Variants in AKNA observed in about 807,000 individuals in gnomAD.
AKNA encodes the protein AT-hook transcription factor.
A neutral mutation model predicts 138.8 loss-of-function variants in AKNA; 67 were observed. That is an observed-to-expected ratio of 0.48 (90% CI 0.40 to 0.59). The LOEUF (loss-of-function observed/expected upper bound fraction) is 0.59, where lower values mean the gene tolerates loss of function less well. Among genes scored for constraint, AKNA ranks in the 20% least tolerant of loss-of-function variants. The pLI is 0.00. For missense variants in AKNA, 1,813 were observed against 1,880.4 expected, an observed-to-expected ratio of 0.96 and a Z score of 0.66; for synonymous variants, 737 against 754.4, an observed-to-expected ratio of 0.98 and a Z score of 0.38.
chr9:114,331,558 C>T (rs1829851311), downstream of AKNA: 1 of 1,609,344 alleles, frequency 6.2e-7, no homozygotes, highest in African/African-American at 1.3e-5. Flanking sequence ...GGCTCTTTTT[C>T]TCTTCCAGAG....
chr9:114,382,508 G>A (rs543010157), intron 1 of AKNA, among the ~76,000 whole-genome samples: 5 of 151,448 alleles, frequency 3.3e-5, no homozygotes, highest in Admixed American at 6.6e-5. Flanking sequence ...ACTTAAGCCC[G>A]GGAGGTCGAA....
intron 15 of AKNA, among the ~76,000 whole-genome samples, chr9:114,349,961 G>A (rs1342971564): frequency 6.6e-6 from 1 of 152,190 alleles, no homozygotes; most frequent in Non-Finnish European, 1.5e-5. Context: ...CGGACCAGAT[G>A]CTCCTTCGCT....
Position 114,367,519 on chromosome 9 carries a change from G to A in AKNA, c.1728+24C>T, listed in dbSNP as rs370400330. The A allele has an allele frequency of 4.2e-5, 67 of 1,609,816 alleles. No individual in the cohort carries two copies. The African/African-American group carries it at 8.0e-4, about 19-fold the overall frequency. The stretch of plus-strand genomic sequence containing the variant: ...TCTCCAGGTGAGTTAAGTCTCTCGG[G>A]GGCAAAGCTGGGAGTCCACTCACCT... On this transcript the variant is annotated intron_variant, in intron 6 of 21. Coordinates refer to ENST00000374088, the MANE Select transcript of AKNA (RefSeq NM_001317950.2).
At chr9:114,365,056 G>A (rs1050521231) in intron 6 of AKNA, among the ~76,000 whole-genome samples, 18 of 152,102 alleles carry the variant, frequency 1.2e-4, no homozygotes, top group Admixed American at 4.6e-4. Context: ...CAATGTTTAC[G>A]GTATGCTACC....
intron 9 of AKNA, 67 bp from the exon 10 acceptor site, chr9:114,360,129 C>T (rs1588979551): frequency 1.2e-6 from 2 of 1,603,044 alleles, no homozygotes. Context: ...AAGCACTTAC[C>T]TCCTGCCAGG....
In AKNA at chr9:114,376,926, T is replaced by C; in HGVS notation, c.881A>G (p.Glu294Gly). The C allele has an allele frequency of 6.2e-7, 1 of 1,614,202 alleles. No individual in the cohort carries two copies. The highest frequency in any genetic ancestry group is 8.5e-7 in the Non-Finnish European group (1 of 1,180,022). The change falls in exon 3 of 22, where the codon GAA (glutamate) becomes GGA (glycine). Residue 294 changes from glutamate (E) to glycine (G), a missense_variant. Physicochemically the swap from Glu to Gly is moderately conservative, Grantham distance 98 (BLOSUM62 -2). Transcript: ENST00000374088. ...TTRFFCPQPK[E>G]HIWKQTKTSP... ...CGTCTTTGTCTGCTTCCAGATGTGT[T>C]CCTTGGGCTGAGGGCAGAAGAATCT...
Position 114,337,013 on chromosome 9 carries a change from G to GGGGGGGGGGGGCC in AKNA, c.*40_*41insGGCCCCCCCCCCC. 13 of 1,185,368 alleles carry GGGGGGGGGGGGCC rather than the reference G, an allele frequency of 1.1e-5. No homozygotes were observed. The highest frequency in any genetic ancestry group is 2.5e-5 in the South Asian group (1 of 40,612). The allele number at this position is 1,185,368 out of a possible 1,614,324, so 73.4% of individuals were successfully genotyped here. A position where few individuals can be genotyped will look rare whatever the true frequency, so the allele number is the denominator to read the frequency against. On this transcript the variant is annotated 3_prime_UTR_variant, in exon 22 of 22. Transcript: ENST00000374088. ...CCACTCCTGGCCTGGCAGGCCACCT[G>GGGGGGGGGGGGCC]CCCACCCACCCACCCATCTGCCTCT...
rs1257600140 is a variant in AKNA, at chr9:114,335,114, G to T, written c.*1940C>A. The T allele has an allele frequency of 4.6e-5, 7 of 152,272 alleles. No homozygotes were observed. The highest frequency in any genetic ancestry group is 1.3e-4 in the Admixed American group (2 of 15,288). 9.4% of individuals were successfully genotyped at this position (152,272 alleles called of 1,614,324 possible). A position where few individuals can be genotyped will look rare whatever the true frequency, so the allele number is the denominator to read the frequency against. ...GAAAAATGAAACAGAAATGAGTCAT[G>T]ATGGGCAGAGCAGGGAGAAGCAAGG... is the stretch of plus-strand genomic sequence containing the variant. On this transcript the variant is annotated 3_prime_UTR_variant, in exon 22 of 22. Transcript: ENST00000374088.
At chr9:114,342,400 T>C (rs1002854228) in intron 19 of AKNA, among the ~76,000 whole-genome samples, 1 of 152,074 alleles carries the variant, frequency 6.6e-6, no homozygotes, top group Non-Finnish European at 1.5e-5. Flanking sequence ...ACTTTACAGA[T>C]GGGGAAATTA....
Position 114,345,992 on chromosome 9 carries a change from G to A in AKNA, c.3532C>T (p.Pro1178Ser). 1 of 1,613,770 alleles carries A rather than the reference G, an allele frequency of 6.2e-7. No individual in the cohort carries two copies. Among genetic ancestry groups the A allele is most frequent in the Non-Finnish European group, 8.5e-7 (1 of 1,179,872 alleles). Reference protein sequence around the residue: ...RLSLSSESELPSLPLFSEKSK... With the variant: ...RLSLSSESELSSLPLFSEKSK... ...TTCTCAGAGAACAGTGGTAGGGAGG[G>A]CAGCTCAGATTCTGAACCTGGGGTA... is the stretch of plus-strand genomic sequence containing the variant. Residue 1178 changes from proline to serine, a missense_variant, in exon 18 of 22, where the codon CCC becomes TCC. Pro to Ser is a moderately conservative substitution (Grantham distance 74, BLOSUM62 -1). Coordinates refer to ENST00000374088, the MANE Select transcript of AKNA (RefSeq NM_001317950.2).
At position 114,356,822 on chromosome 9, in the gene AKNA, G is replaced by A. The variant is rs765872683; in HGVS notation, c.2846+41C>T. 1.2e-5 allele frequency: 18 copies of A among 1,487,204 alleles called. No homozygotes were observed. In the South Asian group the frequency reaches 2.5e-4, roughly 20 times the overall value. 92.1% of individuals were successfully genotyped at this position (1,487,204 alleles called of 1,614,324 possible). A position where few individuals can be genotyped will look rare whatever the true frequency, so the allele number is the denominator to read the frequency against. ...CACTGTGATTCCCAGGCTGTCCCAGGAATGTGGCACTGACGGGACAATGGC... is the reference window on the plus strand; with the variant it reads ...CACTGTGATTCCCAGGCTGTCCCAGAAATGTGGCACTGACGGGACAATGGC... On this transcript the variant is annotated intron_variant, in intron 13 of 21. Transcript: ENST00000374088.
downstream of AKNA, chr9:114,331,441 C>T: frequency 1.4e-6 from 1 of 727,626 alleles, no homozygotes; most frequent in South Asian, 1.8e-5. Flanking sequence ...CACGGTGGCC[C>T]AAAGGAGACC....
intron 4 of AKNA, among the ~76,000 whole-genome samples, chr9:114,370,237 A>G (rs545307724): frequency 1.6e-4 from 25 of 152,264 alleles, no homozygotes; most frequent in Admixed American, 9.2e-4. Context: ...AGATGAGAAC[A>G]AAGCTGGATT....
intron 19 of AKNA, among the ~76,000 whole-genome samples, chr9:114,343,455 C>A (rs1830487910): frequency 6.6e-6 from 1 of 152,176 alleles, no homozygotes; most frequent in Non-Finnish European, 1.5e-5. Context: ...GATGCCAGGT[C>A]CCCTGCTGCC....
intron 19 of AKNA, among the ~76,000 whole-genome samples, chr9:114,343,406 G>A (rs1209164117): frequency 6.6e-6 from 1 of 152,146 alleles, no homozygotes; most frequent in Non-Finnish European, 1.5e-5. Context: ...AGTATGAGGG[G>A]TGAAGGGAGG....
intron 9 of AKNA, 150 bp downstream of exon 9, chr9:114,361,554 C>T: frequency 1.0e-6 from 1 of 962,954 alleles, no homozygotes. Flanking sequence ...GTACATGGCA[C>T]ACACTTCATA....
chr9:114,358,277 A>G (rs1309637485), intron 11 of AKNA, 110 bp from the exon 12 acceptor site: 1 of 1,468,704 alleles, frequency 6.8e-7, no homozygotes, highest in African/African-American at 1.4e-5. Context: ...GGAGTCAGAC[A>G]TCCCTGGCTG....
chr9:114,381,485 C>T, intron 1 of AKNA, 39 bp from the exon 2 acceptor site: 1 of 1,344,782 alleles, frequency 7.4e-7, no homozygotes, highest in East Asian at 2.9e-5. Flanking sequence ...TTAATCAATC[C>T]TGATCCCCTC....
At chr9:114,333,859 G>A (rs1263324440), downstream of AKNA, among the ~76,000 whole-genome samples, 7 of 150,990 alleles carry the variant, frequency 4.6e-5, no homozygotes, top group East Asian at 1.9e-4. Context: ...GTCCCCACCC[G>A]AATCTCACAT....
Sources: allele counts gnomAD v4.1 joint callset (sites outside exome capture counted in the v4.1 genomes callset), GRCh38; gene constraint gnomAD v4.1.1; transcripts MANE v1.5; gene names NCBI Gene and HGNC (gene_info 2026-07-23, HGNC 2026-07-21).